Variants in DEPDC5 observed in about 807,000 individuals in gnomAD.
DEPDC5 encodes the protein DEP domain containing 5, GATOR1 subcomplex subunit.
Under a neutral mutation model 217.3 loss-of-function variants are expected in DEPDC5, and 73 were observed. The observed-to-expected ratio is 0.34, with a 90% confidence interval of 0.28 to 0.41. DEPDC5 has a LOEUF of 0.41. Among genes scored for constraint, DEPDC5 ranks in the 10% least tolerant of loss-of-function variants. The pLI is 1.00. For synonymous variants in DEPDC5, 733 were observed against 756.7 expected (o/e 0.97, Z 0.51); for missense variants, 1,675 against 2,070.1 (o/e 0.81, Z 3.70).
At chr22:31,768,027 G>C (rs1413099351) in intron 6 of DEPDC5, among the ~76,000 whole-genome samples, 1 of 151,534 alleles carries the variant, frequency 6.6e-6, no homozygotes, top group Admixed American at 6.6e-5. Flanking sequence ...TTACAGGTGT[G>C]AGCCAGTGCA....
Position 31,873,325 on chromosome 22 carries a change from C to A in DEPDC5, c.3556C>A (p.His1186Asn). The A allele has an allele frequency of 3.1e-6, 5 of 1,613,884 alleles. No homozygotes were observed. The highest frequency in any genetic ancestry group is 4.2e-6 in the Non-Finnish European group (5 of 1,179,818). Reference protein sequence around the residue: ...TLTEILEAMKHPSTGVQLLSE... With the variant: ...TLTEILEAMKNPSTGVQLLSE... ...GACAGAGATCCTGGAAGCCATGAAG[C>A]ACCCCTCGTAAGTGGCTCACCACAG... The change falls in exon 35 of 43, where the codon CAC becomes AAC. Residue 1186 changes from histidine to asparagine, a missense_variant. Physicochemically the swap from His to Asn is moderately conservative, Grantham distance 68 (BLOSUM62 1). Coordinates refer to ENST00000651528, the MANE Select transcript of DEPDC5 (RefSeq NM_001242896.3).
chr22:31,764,015 C>T (rs536848257), intron 4 of DEPDC5, among the ~76,000 whole-genome samples: 17 of 151,770 alleles, frequency 1.1e-4, no homozygotes, highest in African/African-American at 4.1e-4. Context: ...CTGCAACTTC[C>T]ACCTCCTAGG....
intron 33 of DEPDC5, among the ~76,000 whole-genome samples, chr22:31,866,113 A>G (rs2092681687): frequency 6.6e-6 from 1 of 152,086 alleles, no homozygotes. Flanking sequence ...CCCATGGGGG[A>G]TGCCTGTGGT....
At chr22:31,828,377 G>A (rs921138509) in intron 24 of DEPDC5, among the ~76,000 whole-genome samples, 16 of 151,060 alleles carry the variant, frequency 1.1e-4, no homozygotes, top group South Asian at 2.1e-4. Flanking sequence ...CTTTGAACCC[G>A]GGAGGCGGAG....
In DEPDC5 at chr22:31,810,589, C is replaced by G. The variant is rs886039260; in HGVS notation, c.1393C>G (p.Gln465Glu). 5 of 1,614,062 alleles carry G rather than the reference C, an allele frequency of 3.1e-6. No homozygotes were observed. In the Admixed American group the frequency reaches 6.7e-5, roughly 22 times the overall value. Residue 465 changes from glutamine (Q) to glutamate (E), a missense_variant, in exon 20 of 43, where the codon CAA (glutamine) becomes GAA (glutamate). This residue lies in a region of DEPDC5 where 628 missense variants were observed against 762.1 expected (regional missense o/e 0.82). Transcript: ENST00000651528. ...AGTAGATTATGACGCCTATGACGCT[C>G]AAGTGTTCAGGCTGCCCGGCCCATC... The part of the protein sequence containing the change: ...IQVDYDAYDA[Q>E]VFRLPGPSRA...
intron 9 of DEPDC5, chr22:31,784,538 A>C (rs1051327638): frequency 5.2e-5 from 15 of 287,268 alleles, no homozygotes; most frequent in African/African-American, 3.4e-4. Flanking sequence ...CTGAGGCAGG[A>C]GAATCGCTTG....
rs139232258 is a variant in DEPDC5, at chr22:31,820,442, C to T, written c.1871-1060C>T. Among the ~76,000 whole-genome samples, 321 of 152,222 alleles carry T rather than the reference C, an allele frequency of 2.1e-3. 2 individuals are homozygous for T. The highest frequency in any genetic ancestry group is 7.2e-3 in the African/African-American group (298 of 41,532). The stretch of plus-strand genomic sequence containing the variant: ...TTTATTTTATTTTTTTCATGGAAAC[C>T]ATCCTGCTGAATACCTGGAAATGCC... On this transcript the variant is annotated intron_variant, in intron 22 of 42. Coordinates refer to ENST00000651528, the MANE Select transcript of DEPDC5 (RefSeq NM_001242896.3).
intron 31 of DEPDC5, among the ~76,000 whole-genome samples, chr22:31,849,056 G>A (rs2091891368): frequency 6.6e-6 from 1 of 152,134 alleles, no homozygotes; most frequent in Non-Finnish European, 1.5e-5. Flanking sequence ...TTTGGTCAAA[G>A]CCATTCAACA....
chr22:31,768,349 A>G (rs142992039), intron 6 of DEPDC5, among the ~76,000 whole-genome samples: 133 of 152,258 alleles, frequency 8.7e-4, no homozygotes, highest in African/African-American at 3.1e-3. Context: ...AAGTTTTTGT[A>G]TACTATGTAA....
chr22:31,862,528 G>A (rs1041303549), intron 33 of DEPDC5, among the ~76,000 whole-genome samples: 140 of 152,148 alleles, frequency 9.2e-4, no homozygotes, highest in Non-Finnish European at 1.0e-3. Context: ...TTGCACCACT[G>A]CACTCCAGCC....
intron 38 of DEPDC5, among the ~76,000 whole-genome samples, chr22:31,884,858 A>G (rs1569200191): frequency 6.6e-6 from 1 of 152,068 alleles, no homozygotes; most frequent in Non-Finnish European, 1.5e-5. Flanking sequence ...TTCTCATTCT[A>G]GTCACTTAGG....
intron 33 of DEPDC5, among the ~76,000 whole-genome samples, chr22:31,868,355 C>T (rs976013657): frequency 2.0e-5 from 3 of 152,170 alleles, no homozygotes; most frequent in African/African-American, 7.2e-5. Context: ...GACAGCCCCC[C>T]ACAGCAAACA....
chr22:31,821,707 A>C, intron 23 of DEPDC5, 70 bp downstream of exon 23: 2 of 1,570,196 alleles, frequency 1.3e-6, no homozygotes, highest in South Asian at 2.3e-5. Context: ...AATGTGCAGA[A>C]CAGACTATTG....
chr22:31,797,956 A>G (rs2086446602), intron 13 of DEPDC5, among the ~76,000 whole-genome samples: 1 of 145,992 alleles, frequency 6.8e-6, no homozygotes, highest in African/African-American at 2.5e-5. Context: ...ACAGAGTCTC[A>G]CTCTGTCACC....
intron 31 of DEPDC5, among the ~76,000 whole-genome samples, chr22:31,852,362 T>C (rs1272851714): frequency 1.4e-5 from 2 of 147,560 alleles, no homozygotes; most frequent in Non-Finnish European, 3.0e-5. Context: ...TTTTTTGAGA[T>C]GGAGTTTCGC....
At chr22:31,803,876 T>C (rs566838272) in intron 15 of DEPDC5, among the ~76,000 whole-genome samples, 1 of 152,212 alleles carries the variant, frequency 6.6e-6, no homozygotes, top group Non-Finnish European at 1.5e-5. Flanking sequence ...AATTTAAACA[T>C]GGAAGTTTGG....
intron 24 of DEPDC5, among the ~76,000 whole-genome samples, chr22:31,833,368 A>G (rs1371423548): frequency 6.6e-6 from 1 of 152,194 alleles, no homozygotes; most frequent in East Asian, 1.9e-4. Context: ...ATGTTAAAGT[A>G]GTGAGTTTTG....
At chr22:31,791,805 T>C (rs1352859290) in intron 10 of DEPDC5, among the ~76,000 whole-genome samples, 1 of 150,174 alleles carries the variant, frequency 6.7e-6, no homozygotes, top group South Asian at 2.1e-4. Context: ...CGTGCGTCTG[T>C]AGTCCCAGCT....
At position 31,804,237 on chromosome 22, in the gene DEPDC5, G is replaced by A. The variant is rs1329436680; in HGVS notation, c.1143+14G>A. On this transcript the variant is annotated intron_variant, in intron 16 of 42. Coordinates refer to ENST00000651528, the MANE Select transcript of DEPDC5 (RefSeq NM_001242896.3). The stretch of plus-strand genomic sequence containing the variant: ...CCATTGTTCAAGGTAATTAGATTTC[G>A]GATTTGTTTACTAAAGGCCAGTTGG... 1.7e-5 allele frequency: 28 copies of A among 1,613,860 alleles called. No individual in the cohort carries two copies. Among genetic ancestry groups the A allele is most frequent in the Middle Eastern group, 1.7e-4 (1 of 6,060 alleles).
Sources: allele counts gnomAD v4.1 joint callset (sites outside exome capture counted in the v4.1 genomes callset), GRCh38; gene constraint gnomAD v4.1.1; regional missense constraint gnomAD v4.1.1; transcripts MANE v1.5; gene names NCBI Gene and HGNC (gene_info 2026-07-23, HGNC 2026-07-21).